PRKAG2: variants seen among roughly 807,000 people sequenced by gnomAD.
PRKAG2 encodes protein kinase AMP-activated non-catalytic subunit gamma 2.
PRKAG2 carries 26 observed loss-of-function variants against 69.6 expected under a neutral mutation model. The ratio of observed to expected loss-of-function variants is 0.37; its 90% CI spans 0.27 to 0.52. PRKAG2 has a LOEUF of 0.52. PRKAG2 is among the 20% of genes least tolerant of loss of function. The pLI, the probability that PRKAG2 is intolerant of heterozygous loss-of-function variation, is 0.90. For missense variants in PRKAG2, 557 were observed against 740.0 expected (o/e 0.75, Z 2.87); for synonymous variants, 293 against 285.0 (o/e 1.03, Z -0.28).
chr7:151,709,019 G>A (rs540288319), intron 3 of PRKAG2, among the ~76,000 whole-genome samples: 107 of 152,294 alleles, frequency 7.0e-4, no homozygotes, highest in African/African-American at 2.4e-3. Flanking sequence ...GACACTGTGT[G>A]ATGGGCGATG....
At chr7:151,787,675 T>C (rs769025086) in intron 1 of PRKAG2, among the ~76,000 whole-genome samples, 43 of 152,090 alleles carry the variant, frequency 2.8e-4, no homozygotes, top group Middle Eastern at 3.4e-3. Context: ...ATGGTATGAA[T>C]TGTGTCTCCC....
At chr7:151,729,713 C>G (rs1382211936) in intron 3 of PRKAG2, among the ~76,000 whole-genome samples, 3 of 152,126 alleles carry the variant, frequency 2.0e-5, no homozygotes, top group African/African-American at 7.2e-5. Context: ...TGCCTGCTGC[C>G]GTCCAGCCCC....
intron 3 of PRKAG2, among the ~76,000 whole-genome samples, chr7:151,707,294 C>A (rs1232790401): frequency 6.6e-6 from 1 of 152,134 alleles, no homozygotes; most frequent in Non-Finnish European, 1.5e-5. Flanking sequence ...AGCAGGGGAC[C>A]TCAATAAGGC....
intron 5 of PRKAG2, among the ~76,000 whole-genome samples, chr7:151,630,410 C>T (rs934701967): frequency 3.3e-5 from 5 of 152,108 alleles, no homozygotes; most frequent in Non-Finnish European, 5.9e-5. Context: ...GGCACTTAAG[C>T]GATAATAGTA....
chr7:151,559,644 G>A, intron 15 of PRKAG2: 2 of 985,128 alleles, frequency 2.0e-6, no homozygotes, highest in Non-Finnish European at 2.4e-6. Context: ...GTATTTTTGG[G>A]TTACAGACTT....
chr7:151,602,522 A>G (rs1451052719), intron 5 of PRKAG2, among the ~76,000 whole-genome samples: 2 of 152,240 alleles, frequency 1.3e-5, no homozygotes, highest in Non-Finnish European at 2.9e-5. Context: ...TTTTTAATAT[A>G]CCATTTTAAT....
chr7:151,842,543 T>G (rs1256676842), intron 1 of PRKAG2, among the ~76,000 whole-genome samples: 1 of 146,320 alleles, frequency 6.8e-6, no homozygotes, highest in African/African-American at 2.6e-5. Context: ...ATGGTAGTGA[T>G]GGTAGGTAGT....
At chr7:151,675,786 G>A (rs1370563402) in intron 3 of PRKAG2, 149 bp from the exon 4 acceptor site, 2 of 778,154 alleles carry the variant, frequency 2.6e-6, no homozygotes, top group Admixed American at 2.0e-5. Flanking sequence ...TCAGAGGTCC[G>A]GCCTCCAGGA....
chr7:151,876,431 A>G, intron 1 of PRKAG2, 76 bp downstream of exon 1: 1 of 1,425,670 alleles, frequency 7.0e-7, no homozygotes, highest in East Asian at 2.3e-5. Context: ...CGGGGCGTCC[A>G]GCGTTAACCG....
intron 1 of PRKAG2, among the ~76,000 whole-genome samples, chr7:151,795,979 A>G: frequency 6.8e-6 from 1 of 147,808 alleles, no homozygotes; most frequent in African/African-American, 2.5e-5. Context: ...TATTAAGAAA[A>G]ATATGTATAT....
chr7:151,630,805 T>G (rs915523826), intron 5 of PRKAG2, among the ~76,000 whole-genome samples: 1 of 152,198 alleles, frequency 6.6e-6, no homozygotes, highest in East Asian at 1.9e-4. Flanking sequence ...AACTGAGGAA[T>G]AGTGAGATGG....
At chr7:151,636,140 C>T (rs141187668) in intron 4 of PRKAG2, among the ~76,000 whole-genome samples, 322 of 152,118 alleles carry the variant, frequency 2.1e-3, no homozygotes, top group African/African-American at 7.4e-3. Context: ...CATGAGCCAC[C>T]GCGCCCAGCC....
intron 1 of PRKAG2, among the ~76,000 whole-genome samples, chr7:151,855,194 CCA>C (rs879161747): frequency 4.9e-4 from 8 of 16,280 alleles, no homozygotes; most frequent in African/African-American, 1.1e-3. Context: ...ACACCACCCT[CCA>C]CACACACCAC....
intron 1 of PRKAG2, among the ~76,000 whole-genome samples, chr7:151,856,190 A>C (rs2079771285): frequency 6.6e-6 from 1 of 152,214 alleles, no homozygotes; most frequent in Non-Finnish European, 1.5e-5. Flanking sequence ...AGGTATTCTT[A>C]TTGCTGTTTC....
intron 1 of PRKAG2, among the ~76,000 whole-genome samples, chr7:151,793,519 T>G (rs2151827450): frequency 6.6e-6 from 1 of 152,350 alleles, no homozygotes; most frequent in African/African-American, 2.4e-5. Context: ...AAGCTGCGTG[T>G]GGCATCTCCA....
Position 151,840,026 on chromosome 7 carries a change from G to C in PRKAG2, c.114+36481C>G, listed in dbSNP as rs148771955. On this transcript the variant is annotated intron_variant, in intron 1 of 15. Transcript: ENST00000287878. ...CAAAGAGAGTGGGGGCTGGAGCGGT[G>C]AATTTGGACACTGAAAGAGGAGTGA... Among the ~76,000 whole-genome samples, 784 of 152,316 alleles carry C rather than the reference G, an allele frequency of 5.1e-3. 7 individuals carry two copies. The highest frequency in any genetic ancestry group is 0.018 in the African/African-American group (756 of 41,566).
chr7:151,620,005 A>G (rs1274016366), intron 5 of PRKAG2, among the ~76,000 whole-genome samples: 1 of 152,238 alleles, frequency 6.6e-6, no homozygotes, highest in Non-Finnish European at 1.5e-5. Context: ...TGGGTGACAG[A>G]GCGAGACTCC....
At chr7:151,778,034 T>C (rs2076475747) in intron 3 of PRKAG2, among the ~76,000 whole-genome samples, 1 of 152,146 alleles carries the variant, frequency 6.6e-6, no homozygotes, top group African/African-American at 2.4e-5. Context: ...TTTTTAGACT[T>C]GAATTCTGGC....
intron 3 of PRKAG2, among the ~76,000 whole-genome samples, chr7:151,688,602 C>T (rs141668989): frequency 6.6e-6 from 1 of 152,316 alleles, no homozygotes; most frequent in African/African-American, 2.4e-5. Context: ...CGGGCTCCCC[C>T]ACTGTGCCCG....
Sources: allele counts gnomAD v4.1 joint callset (sites outside exome capture counted in the v4.1 genomes callset), GRCh38; gene constraint gnomAD v4.1.1; transcripts MANE v1.5; gene names NCBI Gene and HGNC (gene_info 2026-07-23, HGNC 2026-07-21).